Variants in ACTR6 observed in about 807,000 individuals in gnomAD.
ACTR6 encodes the protein actin related protein 6, also known as actin-related protein 6.
Under a neutral mutation model 52.5 loss-of-function variants are expected in ACTR6, and 50 were observed. That is an observed-to-expected ratio of 0.95 (90% CI 0.76 to 1.20). The LOEUF (loss-of-function observed/expected upper bound fraction) is 1.20. Ranked by LOEUF, ACTR6 falls within the 50% of genes most tolerant of loss-of-function variation. ACTR6 has a pLI of 0.00. For missense variants in ACTR6, 344 were observed against 472.4 expected (o/e 0.73, Z 2.52); for synonymous variants, 135 against 147.2 (o/e 0.92, Z 0.60).
At chr12:100,209,259 G>A (rs1401232685) in intron 4 of ACTR6, among the ~76,000 whole-genome samples, 5 of 147,418 alleles carry the variant, frequency 3.4e-5, no homozygotes, top group Non-Finnish European at 7.4e-5. Context: ...TCAACCAGGT[G>A]TAGTGGCTCA....
In ACTR6 at chr12:100,220,051, A is replaced by C; in HGVS notation, c.966A>C (p.Gly322=). The stretch of plus-strand genomic sequence containing the variant: ...TTAAGAACATTGTCTTGACAGGAGG[A>C]AATTCCCTTTTCCCAGGATTTAGGG... ...HFFKNIVLTG[G]NSLFPGFRDR... Residue 322 remains glycine, a synonymous_variant, in exon 10 of 11, where the codon GGA becomes GGC. Transcript: ENST00000188312. The C allele has an allele frequency of 6.2e-7, 1 of 1,614,004 alleles. No homozygotes were observed. Among genetic ancestry groups the C allele is most frequent in the East Asian group, 2.2e-5 (1 of 44,862 alleles).
chr12:100,213,233 C>T (rs2096121431), intron 8 of ACTR6, among the ~76,000 whole-genome samples: 1 of 152,056 alleles, frequency 6.6e-6, no homozygotes, highest in African/African-American at 2.4e-5. Context: ...GCTGTGATTG[C>T]AGGCATGTGC....
In ACTR6 at chr12:100,224,061, C is replaced by A; in HGVS notation, c.*146C>A. ...TTGATCGATTGCTAATTTTCAAAGG[C>A]TTCTTAGGTAGGTTACTACAGTAAA... is the stretch of plus-strand genomic sequence containing the variant. On this transcript the variant is annotated 3_prime_UTR_variant, in exon 11 of 11. Transcript: ENST00000188312. The A allele has an allele frequency of 2.3e-6, 2 of 874,748 alleles. No individual in the cohort carries two copies. Among genetic ancestry groups the A allele is most frequent in the Non-Finnish European group, 3.3e-6 (2 of 608,444 alleles). 54.2% of individuals were successfully genotyped at this position (874,748 alleles called of 1,614,324 possible). A position where few individuals can be genotyped will look rare whatever the true frequency, so the allele number is the denominator to read the frequency against.
chr12:100,220,229 C>A, intron 10 of ACTR6, 83 bp downstream of exon 10: 1 of 1,409,736 alleles, frequency 7.1e-7, no homozygotes, highest in Non-Finnish European at 9.7e-7. Flanking sequence ...TAAAACCTGG[C>A]TCTCCCACGG....
chr12:100,216,494 T>C (rs2096124040), intron 8 of ACTR6, among the ~76,000 whole-genome samples: 1 of 152,252 alleles, frequency 6.6e-6, no homozygotes, highest in African/African-American at 2.4e-5. Flanking sequence ...TTAATGGCTT[T>C]AGTGCTAACA....
In ACTR6 at chr12:100,223,809, G is replaced by A. The variant is rs1566299882; in HGVS notation, c.1085G>A (p.Gly362Asp). 1 of 1,609,256 alleles carries A rather than the reference G, an allele frequency of 6.2e-7. No individual in the cohort carries two copies. The highest frequency in any genetic ancestry group is 1.7e-5 in the Admixed American group (1 of 58,868). The change falls in exon 11 of 11, where the codon GGT becomes GAT. Residue 362 changes from glycine to aspartate, a missense_variant. Physicochemically the swap from Gly to Asp is moderately conservative, Grantham distance 94. Coordinates refer to ENST00000188312, the MANE Select transcript of ACTR6 (RefSeq NM_022496.5). ...PENPITYAWE[G>D]GKLISENDDF... Reference sequence around the variant, plus strand: ...AGCCCTATTACTTATGCCTGGGAAGGTGGAAAATTGATATCAGAGAATGAT... The same window carrying A: ...AGCCCTATTACTTATGCCTGGGAAGATGGAAAATTGATATCAGAGAATGAT...
intron 1 of ACTR6, among the ~76,000 whole-genome samples, chr12:100,204,667 A>G (rs190403361): frequency 6.6e-6 from 1 of 151,932 alleles, no homozygotes; most frequent in East Asian, 1.9e-4. Flanking sequence ...GCCCAGCCTT[A>G]TTTTTTATTT....
At chr12:100,219,867 C>G in intron 9 of ACTR6, 141 bp from the exon 10 acceptor site, 1 of 745,802 alleles carries the variant, frequency 1.3e-6, no homozygotes, top group Non-Finnish European at 2.1e-6. Flanking sequence ...TTAGAATGGA[C>G]CTGAAAATTT....
At chr12:100,222,410 C>G (rs990049246) in intron 10 of ACTR6, among the ~76,000 whole-genome samples, 1 of 150,932 alleles carries the variant, frequency 6.6e-6, no homozygotes, top group Non-Finnish European at 1.5e-5. Flanking sequence ...GCATGAGCCA[C>G]CATGCCTGGC....
chr12:100,200,834 G>A lies in ACTR6; in HGVS notation c.-18G>A, dbSNP rs761253157. The A allele has an allele frequency of 4.3e-6, 7 of 1,613,712 alleles. No individual in the cohort carries two copies. Among genetic ancestry groups the A allele is most frequent in the Admixed American group, 1.7e-5 (1 of 59,998 alleles). On this transcript the variant is annotated 5_prime_UTR_variant, in exon 1 of 11. Transcript: ENST00000188312. ...GGAAAGGGAAAACAACTACGGCTGC[G>A]GTGTGGTTGGTGGTGAGATGACGAC...
chr12:100,205,179 TAAAATTTAATTG>T, intron 2 of ACTR6, 122 bp downstream of exon 2: 1 of 547,756 alleles, frequency 1.8e-6, no homozygotes, highest in Non-Finnish European at 3.1e-6. Flanking sequence ...AAACCCAAAT[TAAAATTTAATTG>T]TTTGGGTAAA....
intron 3 of ACTR6, among the ~76,000 whole-genome samples, chr12:100,207,227 T>TTTA (rs918157419): frequency 2.6e-5 from 4 of 152,014 alleles, no homozygotes; most frequent in South Asian, 2.1e-4. Flanking sequence ...TTAATTTTTA[T>TTTA]TTATTATTAT....
At position 100,224,093 on chromosome 12, in the gene ACTR6, C is replaced by T. The variant is rs2096130420; in HGVS notation, c.*178C>T. On this transcript the variant is annotated 3_prime_UTR_variant, in exon 11 of 11. Transcript: ENST00000188312. ...GGTAGGTTACTACAGTAAACTGTAA[C>T]TCAGTCCACATTTTCATTTAGGAGC... The T allele has an allele frequency of 1.9e-6, 1 of 532,180 alleles. No homozygotes were observed. Among genetic ancestry groups the T allele is most frequent in the Non-Finnish European group, 3.1e-6 (1 of 327,738 alleles). 33.0% of individuals were successfully genotyped at this position (532,180 alleles called of 1,614,324 possible). A position where few individuals can be genotyped will look rare whatever the true frequency, so the allele number is the denominator to read the frequency against.
chr12:100,212,550 T>C (rs985517208), intron 8 of ACTR6, 22 bp downstream of exon 8: 7 of 1,581,954 alleles, frequency 4.4e-6, no homozygotes, highest in Non-Finnish European at 6.1e-6. Flanking sequence ...AAACCATCAA[T>C]GGTTGGTTGC....
At chr12:100,208,408 TG>T (rs2096116884) in intron 4 of ACTR6, among the ~76,000 whole-genome samples, 1 of 151,982 alleles carries the variant, frequency 6.6e-6, no homozygotes, top group African/African-American at 2.4e-5. Flanking sequence ...CCCAAGTAGC[TG>T]GGATTACAGG....
chr12:100,221,285 G>C (rs1245302546), intron 10 of ACTR6, among the ~76,000 whole-genome samples: 4 of 152,114 alleles, frequency 2.6e-5, no homozygotes, highest in African/African-American at 9.7e-5. Context: ...CTTAATTCTA[G>C]AGTTTTGTTT....
chr12:100,221,013 C>CAAA (rs371896409), intron 10 of ACTR6, among the ~76,000 whole-genome samples: 11 of 100,756 alleles, frequency 1.1e-4, no homozygotes, highest in South Asian at 3.3e-4. Context: ...ACCCCCCTGG[C>CAAA]AAAAAAAAAA....
chr12:100,201,521 TA>T (rs895099789), intron 1 of ACTR6, among the ~76,000 whole-genome samples: 5 of 152,192 alleles, frequency 3.3e-5, no homozygotes, highest in African/African-American at 9.6e-5. Context: ...AACAGAGCAT[TA>T]AAAAAAATTC....
chr12:100,222,553 C>G (rs575436518), intron 10 of ACTR6, among the ~76,000 whole-genome samples: 6 of 152,006 alleles, frequency 3.9e-5, no homozygotes, highest in East Asian at 3.9e-4. Context: ...CCACCATAAC[C>G]GACCTTTGTT....
Sources: allele counts gnomAD v4.1 joint callset (sites outside exome capture counted in the v4.1 genomes callset), GRCh38; gene constraint gnomAD v4.1.1; transcripts MANE v1.5; gene names NCBI Gene and HGNC (gene_info 2026-07-23, HGNC 2026-07-21).